Variants in MRPL15 observed in about 807,000 individuals in gnomAD.
The protein encoded by MRPL15 is large ribosomal subunit protein uL15m.
Under a neutral mutation model 28.0 loss-of-function variants are expected in MRPL15, and 24 were observed. The ratio of observed to expected loss-of-function variants is 0.86; its 90% confidence interval spans 0.62 to 1.21. The LOEUF is 1.21. Ranked by LOEUF, MRPL15 falls within the 50% of genes most tolerant of loss-of-function variation. The probability of loss-of-function intolerance (pLI) is 0.00; values close to 1 mark genes in which losing one functional copy is unlikely to be tolerated. For missense variants in MRPL15, 343 were observed against 372.4 expected (o/e 0.92, Z 0.65); for synonymous variants, 124 against 137.0 (o/e 0.90, Z 0.66).
chr8:54,139,309 C>G (rs559812711), intron 3 of MRPL15, among the ~76,000 whole-genome samples: 4 of 152,198 alleles, frequency 2.6e-5, no homozygotes, highest in Non-Finnish European at 1.5e-5. Flanking sequence ...ATTTTTTGTA[C>G]ATTGTTAATC....
At chr8:54,145,651 T>G (rs1002218365) in intron 4 of MRPL15, among the ~76,000 whole-genome samples, 1 of 152,136 alleles carries the variant, frequency 6.6e-6, no homozygotes, top group Non-Finnish European at 1.5e-5. Context: ...TTTTGTTTTA[T>G]GTTTTGTAGA....
chr8:54,142,909 AC>A, intron 4 of MRPL15, 123 bp downstream of exon 4: 1 of 1,318,506 alleles, frequency 7.6e-7, no homozygotes, highest in Non-Finnish European at 1.1e-6. Flanking sequence ...ATCTACATCT[AC>A]CATATGGATT....
Position 54,136,584 on chromosome 8 carries a change from C to G in MRPL15, c.182C>G (p.Thr61Ser), listed in dbSNP as rs754187068. The G allele has an allele frequency of 1.2e-6, 2 of 1,614,046 alleles. No homozygotes were observed. The highest frequency in any genetic ancestry group is 1.7e-5 in the Admixed American group (1 of 60,006). ...RGHKGERQRG[T>S]RPRLGFEGGQ... ...CATAAAGGAGAAAGGCAAAGAGGAA[C>G]CCGGCCCCGCTTGGGCTTTGAGGGA... Residue 61 changes from threonine (T) to serine (S), a missense_variant, in exon 2 of 5, where the codon ACC (threonine) becomes AGC (serine). Coordinates refer to ENST00000260102, the MANE Select transcript of MRPL15 (RefSeq NM_014175.4).
At chr8:54,143,172 C>T (rs1810961820) in intron 4 of MRPL15, among the ~76,000 whole-genome samples, 2 of 152,064 alleles carry the variant, frequency 1.3e-5, no homozygotes, top group South Asian at 4.1e-4. Flanking sequence ...CTTCTGCCTC[C>T]CAGGTTCAAG....
chr8:54,148,119 C>A lies in MRPL15; in HGVS notation c.*400C>A, dbSNP rs1173858092. Reference sequence around the variant, plus strand: ...GAGAGCAGATGGAATGAGTTGGTGACCCCTCTTAATCTGTAGCCTCAGGGA... The same window carrying A: ...GAGAGCAGATGGAATGAGTTGGTGAACCCTCTTAATCTGTAGCCTCAGGGA... On this transcript the variant is annotated 3_prime_UTR_variant, in exon 5 of 5. Transcript: ENST00000260102. Among the ~76,000 whole-genome samples, 3 of 152,140 alleles carry A rather than the reference C, an allele frequency of 2.0e-5. No homozygotes were observed. In the East Asian group the frequency reaches 5.8e-4, roughly 29 times the overall value.
Position 54,136,379 on chromosome 8 carries a change from C to T in MRPL15, c.109-132C>T. Reference sequence around the variant, plus strand: ...TGTGTGGAGCTTTGAGCAACTAGGACATGCTTGACACAATAGTGTTAGCTA... The same window carrying T: ...TGTGTGGAGCTTTGAGCAACTAGGATATGCTTGACACAATAGTGTTAGCTA... On this transcript the variant is annotated intron_variant, in intron 1 of 4. Coordinates refer to ENST00000260102, the MANE Select transcript of MRPL15 (RefSeq NM_014175.4). 4 of 932,740 alleles carry T rather than the reference C, an allele frequency of 4.3e-6. No individual in the cohort carries two copies. The South Asian group carries it at 7.4e-5, about 17-fold the overall frequency. 57.8% of individuals were successfully genotyped at this position (932,740 alleles called of 1,614,324 possible).
In MRPL15 at chr8:54,147,650, G is replaced by A; in HGVS notation, c.822G>A (p.Val274=). The A allele has an allele frequency of 1.2e-6, 2 of 1,614,112 alleles. No individual in the cohort carries two copies. Among genetic ancestry groups the A allele is most frequent in the South Asian group, 1.1e-5 (1 of 91,078 alleles). ...TCTTTGGTCTTGCTCCAGGATGGGT[G>A]GTGAATATGGCCGATAAGAAAATCC... ...QIFFGLAPGW[V]VNMADKKILK... Residue 274 remains valine (V), a synonymous_variant, in exon 5 of 5, where the codon GTG becomes GTA. Coordinates refer to ENST00000260102, the MANE Select transcript of MRPL15 (RefSeq NM_014175.4).
At chr8:54,142,855 C>T (rs769118202) in intron 4 of MRPL15, 69 bp downstream of exon 4, 1 of 1,591,854 alleles carries the variant, frequency 6.3e-7, no homozygotes, top group Non-Finnish European at 8.6e-7. Context: ...TTTTAAATTA[C>T]TTAGTGAATG....
chr8:54,144,573 C>T (rs1308356194), intron 4 of MRPL15, among the ~76,000 whole-genome samples: 5 of 152,210 alleles, frequency 3.3e-5, no homozygotes, highest in Non-Finnish European at 2.9e-5. Flanking sequence ...GAGTTCTAGA[C>T]CAGCGTGGCC....
At position 54,136,632 on chromosome 8, in the gene MRPL15, G is replaced by A. The variant is rs2096021958; in HGVS notation, c.230G>A (p.Arg77Gln). The change falls in exon 2 of 5, where the codon CGA (arginine) becomes CAA (glutamine). Residue 77 changes from arginine (R) to glutamine (Q), a missense_variant. Coordinates refer to ENST00000260102, the MANE Select transcript of MRPL15 (RefSeq NM_014175.4). ...FEGGQTPFYIRIPKYGFNEGH... is the reference protein window; with the variant it reads ...FEGGQTPFYIQIPKYGFNEGH... ...GGAGGCCAGACTCCATTTTACATCC[G>A]AATCCCAAAATACGGGTTTAACGAA... 3 of 1,613,992 alleles carry A rather than the reference G, an allele frequency of 1.9e-6. No individual in the cohort carries two copies. The highest frequency in any genetic ancestry group is 1.7e-5 in the Admixed American group (1 of 59,980).
chr8:54,137,555 C>A, intron 3 of MRPL15, 122 bp downstream of exon 3: 1 of 820,600 alleles, frequency 1.2e-6, no homozygotes, highest in Non-Finnish European at 1.9e-6. Context: ...CTCCACCTCA[C>A]AAGTTCAAGT....
chr8:54,140,338 A>G (rs1431031771), intron 3 of MRPL15, among the ~76,000 whole-genome samples: 5 of 151,678 alleles, frequency 3.3e-5, no homozygotes, highest in Non-Finnish European at 5.9e-5. Flanking sequence ...ACTCACTGCA[A>G]CCTTCACCTC....
chr8:54,137,112 A>C (rs1563715297), intron 2 of MRPL15, among the ~76,000 whole-genome samples, 156 bp from the exon 3 acceptor site: 1 of 152,340 alleles, frequency 6.6e-6, no homozygotes, highest in East Asian at 1.9e-4. Context: ...TTCATTACCC[A>C]AAATCAAGCA....
chr8:54,140,574 CTTTT>C (rs71551976), intron 3 of MRPL15, among the ~76,000 whole-genome samples: 1 of 99,576 alleles, frequency 1.0e-5, no homozygotes, highest in Non-Finnish European at 2.0e-5. Flanking sequence ...ATTTTCTTTT[CTTTT>C]TTTTTTTTTT....
intron 3 of MRPL15, among the ~76,000 whole-genome samples, chr8:54,140,878 G>A (rs534953410): frequency 2.8e-4 from 42 of 151,742 alleles, no homozygotes; most frequent in Admixed American, 1.4e-3. Context: ...CACTGCGCCC[G>A]GCCTAGAACT....
chr8:54,136,500 T>G lies in MRPL15; in HGVS notation c.109-11T>G. 6.3e-7 allele frequency: 1 copy of G among 1,581,276 alleles called. No homozygotes were observed. The highest frequency in any genetic ancestry group is 8.6e-7 in the Non-Finnish European group (1 of 1,168,118). On this transcript the variant is annotated splice_polypyrimidine_tract_variant and intron_variant, in intron 1 of 4. Transcript: ENST00000260102. ...ATCTGAAATTCATAAAATTCTTTTTTTTCCTTGCAGGAGAGAAGACCAAGA... is the reference window on the plus strand; with the variant it reads ...ATCTGAAATTCATAAAATTCTTTTTGTTCCTTGCAGGAGAGAAGACCAAGA...
At position 54,139,289 on chromosome 8, in the gene MRPL15, C is replaced by T. The variant is rs370276483; in HGVS notation, c.429+1856C>T. On this transcript the variant is annotated intron_variant, in intron 3 of 4. Coordinates refer to ENST00000260102, the MANE Select transcript of MRPL15 (RefSeq NM_014175.4). ...GCTGGGATTACAGACGTGAGCTACC[C>T]GTCGGCCAAATTTTTTGTACATTGT... is the stretch of plus-strand genomic sequence containing the variant. Among the ~76,000 whole-genome samples the T allele has an allele frequency of 5.3e-5, 8 of 152,072 alleles. No homozygotes were observed. In the East Asian group the frequency reaches 7.7e-4, roughly 15 times the overall value.
intron 4 of MRPL15, among the ~76,000 whole-genome samples, chr8:54,146,826 C>T (rs6473915): frequency 0.32 from 48,863 of 152,048 alleles, 10,123 homozygotes; most frequent in East Asian, 0.72. Context: ...ACATGTGTCT[C>T]GGGTCCTTTA....
chr8:54,141,978 A>G (rs1208954982), intron 3 of MRPL15, among the ~76,000 whole-genome samples: 1 of 150,194 alleles, frequency 6.7e-6, no homozygotes, highest in East Asian at 2.0e-4. Flanking sequence ...TCAGCCTCGA[A>G]ATAGCTGGGA....
Sources: gnomAD v4.1 joint callset for allele counts (sites outside exome capture counted in the v4.1 genomes callset) on GRCh38, gnomAD v4.1.1 for gene constraint, MANE v1.5 for transcripts, NCBI Gene and HGNC (gene_info 2026-07-23, HGNC 2026-07-21) for gene names.